The following NNMT variants were observed in gnomAD, a reference collection of about 807,000 sequenced individuals.
The protein encoded by NNMT is nicotinamide N-methyltransferase.
In NNMT, 10 loss-of-function variants were observed where a neutral mutation model predicts 11.7. The ratio of observed to expected loss-of-function variants is 0.85; its 90% CI spans 0.53 to 1.45. The LOEUF (loss-of-function observed/expected upper bound fraction) is 1.45. Ranked by LOEUF, NNMT falls within the 40% of genes most tolerant of loss-of-function variation. The probability of loss-of-function intolerance (pLI) is 0.00; values close to 1 mark genes in which losing one functional copy is unlikely to be tolerated. For synonymous variants in NNMT, 143 were observed against 133.8 expected (o/e 1.07, Z -0.48); for missense variants, 381 against 319.4 (o/e 1.19, Z -1.47).
chr11:114,299,402 T>C (rs1357678046), intron 2 of NNMT, among the ~76,000 whole-genome samples: 1 of 152,228 alleles, frequency 6.6e-6, no homozygotes, highest in Non-Finnish European at 1.5e-5. Flanking sequence ...AAAATGTGAA[T>C]TACATTGGAA....
chr11:114,278,533 T>C (rs1014456641), intron 2 of NNMT, among the ~76,000 whole-genome samples: 2 of 152,074 alleles, frequency 1.3e-5, no homozygotes, highest in African/African-American at 4.8e-5. Context: ...CCTGGTGTGA[T>C]AGAACAGGCC....
At chr11:114,273,919 A>G (rs1945192436) in intron 2 of NNMT, among the ~76,000 whole-genome samples, 1 of 152,128 alleles carries the variant, frequency 6.6e-6, no homozygotes, top group South Asian at 2.1e-4. Flanking sequence ...TTGGAATAGG[A>G]AAGCCAGTGT....
rs573545583 is a variant in NNMT at position 114,307,440 on chromosome 11, C to T, written c.363-4605C>T. Among the ~76,000 whole-genome samples the T allele has an allele frequency of 1.1e-4, 16 of 152,224 alleles. No homozygotes were observed. The East Asian group carries it at 1.9e-3, about 18-fold the overall frequency. On this transcript the variant is annotated intron_variant, in intron 2 of 2. Coordinates refer to ENST00000299964, the MANE Select transcript of NNMT (RefSeq NM_006169.3). The stretch of plus-strand genomic sequence containing the variant: ...ACTTCCTCTGTAACCCATTTCTTCC[C>T]GTGTTTACCATCACCTGGTCTCAGC...
chr11:114,262,817 T>G (rs1945094005), intron 1 of NNMT: 1 of 152,184 alleles, frequency 6.6e-6, no homozygotes, highest in Admixed American at 6.5e-5. Context: ...GCAGCAGCAT[T>G]TCACTTTGTT....
chr11:114,268,791 A>AAC (rs1945145361), intron 2 of NNMT, among the ~76,000 whole-genome samples: 1 of 151,162 alleles, frequency 6.6e-6, no homozygotes, highest in East Asian at 1.9e-4. Context: ...AAAAAAAAAA[A>AAC]CTGAAACAGC....
intron 1 of NNMT, 45 bp from the exon 2 acceptor site, chr11:114,297,906 C>A (rs1363106704): frequency 1.9e-6 from 3 of 1,548,424 alleles, no homozygotes; most frequent in Non-Finnish European, 1.8e-6. Context: ...TGCCCACTGC[C>A]ATGAGATGCC....
chr11:114,273,106 G>A (rs1945184155), intron 2 of NNMT, among the ~76,000 whole-genome samples: 1 of 152,110 alleles, frequency 6.6e-6, no homozygotes, highest in Admixed American at 6.5e-5. Context: ...GTTTCCTGCT[G>A]GCAAAATTGT....
upstream of NNMT, among the ~76,000 whole-genome samples, chr11:114,294,412 A>G (rs1354957589): frequency 6.8e-6 from 1 of 147,650 alleles, no homozygotes; most frequent in African/African-American, 2.5e-5. Flanking sequence ...CAAGAGGTGA[A>G]GGTTGCAGTG....
chr11:114,298,929 T>C (rs1945411384), intron 2 of NNMT, among the ~76,000 whole-genome samples: 2 of 152,374 alleles, frequency 1.3e-5, no homozygotes, highest in African/African-American at 4.8e-5. Flanking sequence ...CTGCTGATTG[T>C]CTGACAATAT....
chr11:114,266,381 G>T (rs891694627), intron 2 of NNMT, among the ~76,000 whole-genome samples: 1 of 152,120 alleles, frequency 6.6e-6, no homozygotes, highest in Non-Finnish European at 1.5e-5. Flanking sequence ...TGCCAGCAAA[G>T]GCTCTAAATA....
At chr11:114,291,525 T>A (rs1423043346), upstream of NNMT, among the ~76,000 whole-genome samples, 1 of 152,132 alleles carries the variant, frequency 6.6e-6, no homozygotes, top group Non-Finnish European at 1.5e-5. Context: ...TGTTTTGTTT[T>A]GTTTCTGAGG....
At chr11:114,296,336 C>T, upstream of NNMT, 1 of 519,934 alleles carries the variant, frequency 1.9e-6, no homozygotes, top group Non-Finnish European at 3.4e-6. Context: ...GCCTAAGCTC[C>T]CTTCTCCGGG....
In NNMT at chr11:114,297,978, A is replaced by G; in HGVS notation, c.182A>G (p.Asp61Gly). ...LDGVKGDLLI[D>G]IGSGPTIYQL... ...GGTGTGAAGGGAGACCTGCTGATTG[A>G]CATCGGCTCTGGCCCCACTATCTAT... The change falls in exon 2 of 3, where the codon GAC becomes GGC. Residue 61 changes from aspartate to glycine, a missense_variant. Asp to Gly is a moderately conservative substitution (Grantham distance 94). Transcript: ENST00000299964. 1 of 1,613,160 alleles carries G rather than the reference A, an allele frequency of 6.2e-7. No individual in the cohort carries two copies. Among genetic ancestry groups the G allele is most frequent in the Non-Finnish European group, 8.5e-7 (1 of 1,180,008 alleles).
chr11:114,269,518 A>G (rs1275051757), intron 2 of NNMT: 1 of 152,280 alleles, frequency 6.6e-6, no homozygotes, highest in Non-Finnish European at 1.5e-5. Flanking sequence ...CAGGAAAAAC[A>G]TCATTTTCAG....
chr11:114,275,762 T>G (rs568119710), intron 2 of NNMT, among the ~76,000 whole-genome samples: 2 of 152,106 alleles, frequency 1.3e-5, no homozygotes, highest in Non-Finnish European at 2.9e-5. Context: ...GTTATGGTTA[T>G]GGTTAGGGTT....
intron 2 of NNMT, among the ~76,000 whole-genome samples, chr11:114,278,209 G>A (rs78811477): frequency 0.011 from 1,659 of 152,242 alleles, 23 homozygotes; most frequent in African/African-American, 0.036. Flanking sequence ...GGGAGGAGCA[G>A]GCATTTCACA....
At chr11:114,262,085 T>C (rs1945087853) in intron 1 of NNMT, among the ~76,000 whole-genome samples, 1 of 152,154 alleles carries the variant, frequency 6.6e-6, no homozygotes, top group Non-Finnish European at 1.5e-5. Context: ...GGACAAACTC[T>C]TACTTCCTGA....
At position 114,297,965 on chromosome 11, in the gene NNMT, G is replaced by A. The variant is rs1189442423; in HGVS notation, c.169G>A (p.Asp57Asn). 6.2e-7 allele frequency: 1 copy of A among 1,612,814 alleles called. No homozygotes were observed. Among genetic ancestry groups the A allele is most frequent in the East Asian group, 2.2e-5 (1 of 44,866 alleles). The change falls in exon 2 of 3, where the codon GAC (aspartate) becomes AAC (asparagine). Residue 57 changes from aspartate to asparagine, a missense_variant. Asp to Asn is a conservative substitution (Grantham distance 23). Coordinates refer to ENST00000299964, the MANE Select transcript of NNMT (RefSeq NM_006169.3). ...KIFCLDGVKGDLLIDIGSGPT... is the reference protein window; with the variant it reads ...KIFCLDGVKGNLLIDIGSGPT... ...CACTAATCCAGACGGTGTGAAGGGA[G>A]ACCTGCTGATTGACATCGGCTCTGG...
At chr11:114,272,171 C>G (rs1945174624) in intron 2 of NNMT, among the ~76,000 whole-genome samples, 1 of 152,144 alleles carries the variant, frequency 6.6e-6, no homozygotes, top group African/African-American at 2.4e-5. Flanking sequence ...CCCTGCCCTC[C>G]ATGACTCTTC....
Sources: allele counts gnomAD v4.1 joint callset (sites outside exome capture counted in the v4.1 genomes callset), GRCh38; gene constraint gnomAD v4.1.1; transcripts MANE v1.5; gene names NCBI Gene and HGNC (gene_info 2026-07-23, HGNC 2026-07-21).